Variants in ALPL observed in about 807,000 individuals in gnomAD.
ALPL encodes the protein alkaline phosphatase, biomineralization associated, also known as alkaline phosphatase, tissue-nonspecific isozyme.
In ALPL, 42 loss-of-function variants were observed where a neutral mutation model predicts 51.3. The observed-to-expected ratio is 0.82, with a 90% CI of 0.64 to 1.06. The LOEUF (loss-of-function observed/expected upper bound fraction) is 1.06. ALPL is among the 50% of genes least tolerant of loss of function. ALPL has a pLI of 0.00. For missense variants in ALPL, 589 were observed against 709.4 expected, an observed-to-expected ratio of 0.83 and a Z score of 1.93; for synonymous variants, 279 against 296.4, an observed-to-expected ratio of 0.94 and a Z score of 0.60.
intron 2 of ALPL, among the ~76,000 whole-genome samples, chr1:21,556,813 C>T (rs1259388050): frequency 6.6e-6 from 1 of 152,154 alleles, no homozygotes; most frequent in East Asian, 1.9e-4. Flanking sequence ...GTGGCGCACT[C>T]CTGTAATGCC....
In ALPL at chr1:21,568,138, C is replaced by G; in HGVS notation, c.683C>G (p.Pro228Arg). ...IMGGGRKYMY[P>R]KNKTDVEYES... ...GGGGGTGGCCGGAAATACATGTACC[C>G]CAAGAATAAAACTGATGTGGAGTAT... The change falls in exon 7 of 12, where the codon CCC (proline) becomes CGC (arginine). Residue 228 changes from proline to arginine, a missense_variant. Coordinates refer to ENST00000374840, the MANE Select transcript of ALPL (RefSeq NM_000478.6). 1 of 1,614,040 alleles carries G rather than the reference C, an allele frequency of 6.2e-7. No homozygotes were observed. Among genetic ancestry groups the G allele is most frequent in the Non-Finnish European group, 8.5e-7 (1 of 1,180,018 alleles).
intron 1 of ALPL, among the ~76,000 whole-genome samples, chr1:21,531,222 G>C (rs1191972198): frequency 6.6e-6 from 1 of 152,124 alleles, no homozygotes; most frequent in Admixed American, 6.6e-5. Flanking sequence ...GCCTCCCAAA[G>C]TGCGGGATTA....
chr1:21,522,032 C>T (rs184397677), intron 1 of ALPL, among the ~76,000 whole-genome samples: 1 of 151,970 alleles, frequency 6.6e-6, no homozygotes, highest in African/African-American at 2.4e-5. Flanking sequence ...TGTGTCGACT[C>T]CGTGAGAGGT....
intron 1 of ALPL, among the ~76,000 whole-genome samples, chr1:21,519,504 T>A (rs569230759): frequency 2.2e-4 from 34 of 152,320 alleles, no homozygotes; most frequent in African/African-American, 7.9e-4. Flanking sequence ...GGGAGAAAAC[T>A]GAAGCTCAGA....
At chr1:21,530,590 G>C (rs1644014446) in intron 1 of ALPL, among the ~76,000 whole-genome samples, 1 of 152,016 alleles carries the variant, frequency 6.6e-6, no homozygotes. Context: ...CACTCCACAG[G>C]ATTGGGCCTC....
At chr1:21,535,150 G>A (rs1446841980) in intron 1 of ALPL, among the ~76,000 whole-genome samples, 2 of 152,226 alleles carry the variant, frequency 1.3e-5, no homozygotes, top group Non-Finnish European at 2.9e-5. Context: ...AGGCATAGAA[G>A]GTGTTTAGTC....
At position 21,546,191 on chromosome 1, in the gene ALPL, C is replaced by T. The variant is rs554791006; in HGVS notation, c.-104-7787C>T. ...TCACTAGGATGTTGTGAGGATCTGA[C>T]GCAATTTGAGTTACGGGAATGTTGA... On this transcript the variant is annotated intron_variant, in intron 1 of 11. Coordinates refer to ENST00000374840, the MANE Select transcript of ALPL (RefSeq NM_000478.6). 3.3e-5 allele frequency among the ~76,000 whole-genome samples: 5 copies of T among 152,192 alleles called. No homozygotes were observed. The South Asian group carries it at 6.2e-4, about 19-fold the overall frequency.
chr1:21,510,662 G>T (rs773592149), intron 1 of ALPL, among the ~76,000 whole-genome samples: 1 of 152,226 alleles, frequency 6.6e-6, no homozygotes, highest in African/African-American at 2.4e-5. Context: ...CAGCCCTAGC[G>T]TCCTGCTCCC....
At chr1:21,535,031 G>C (rs150656441) in intron 1 of ALPL, among the ~76,000 whole-genome samples, 64 of 152,282 alleles carry the variant, frequency 4.2e-4, no homozygotes, top group African/African-American at 1.4e-3. Context: ...ACACTGACAG[G>C]GATTTGGGCT....
chr1:21,555,197 A>C (rs1047078437), intron 2 of ALPL, among the ~76,000 whole-genome samples: 2 of 152,114 alleles, frequency 1.3e-5, no homozygotes, highest in Non-Finnish European at 2.9e-5. Context: ...TTTTTGAGCC[A>C]GGATGAGCCA....
intron 1 of ALPL, among the ~76,000 whole-genome samples, chr1:21,552,105 T>A (rs1167049541): frequency 4.4e-5 from 1 of 22,844 alleles, no homozygotes; most frequent in African/African-American, 2.9e-4. Flanking sequence ...TCCCTTCCCT[T>A]TCCTCCCCTT....
chr1:21,544,661 G>T (rs1461690034), intron 1 of ALPL, among the ~76,000 whole-genome samples: 1 of 152,170 alleles, frequency 6.6e-6, no homozygotes, highest in Admixed American at 6.5e-5. Context: ...CACGAGAATT[G>T]CTTGAACCTG....
At chr1:21,524,676 T>A (rs1643918613) in intron 1 of ALPL, among the ~76,000 whole-genome samples, 1 of 152,074 alleles carries the variant, frequency 6.6e-6, no homozygotes, top group Non-Finnish European at 1.5e-5. Flanking sequence ...ATGGGTACAC[T>A]CTTCTTGAAC....
intron 1 of ALPL, among the ~76,000 whole-genome samples, chr1:21,550,750 A>C (rs1351020400): frequency 1.3e-5 from 2 of 152,018 alleles, no homozygotes; most frequent in Admixed American, 1.3e-4. Flanking sequence ...GCCCTGGGTT[A>C]GTTTTTATAC....
chr1:21,573,436 CAAAAAA>C (rs35155164), intron 8 of ALPL, among the ~76,000 whole-genome samples: 1 of 114,052 alleles, frequency 8.8e-6, no homozygotes, highest in African/African-American at 3.4e-5. Flanking sequence ...GACTCTGTCT[CAAAAAA>C]AAAAAAGAAA....
At position 21,577,402 on chromosome 1, in the gene ALPL, G is replaced by A. The variant is rs756394364; in HGVS notation, c.1329G>A (p.Ala443=). ...CCACAGCTCACAACAACTACCAGGC[G>A]CAGTCTGCTGTGCCCCTGCGCCACG... ...MVDYAHNNYQ[A]QSAVPLRHET... The change falls in exon 12 of 12, where the codon GCG becomes GCA. Residue 443 remains alanine (A), a synonymous_variant. Transcript: ENST00000374840. The A allele has an allele frequency of 1.1e-5, 17 of 1,613,144 alleles. No individual in the cohort carries two copies. The highest frequency in any genetic ancestry group is 2.2e-5 in the South Asian group (2 of 91,094).
intron 1 of ALPL, among the ~76,000 whole-genome samples, chr1:21,552,591 T>C (rs1644346911): frequency 6.6e-6 from 1 of 152,152 alleles, no homozygotes; most frequent in African/African-American, 2.4e-5. Flanking sequence ...CAAAAATTTT[T>C]CTTAGAGACA....
intron 1 of ALPL, among the ~76,000 whole-genome samples, chr1:21,527,186 C>T (rs947686019): frequency 6.6e-6 from 1 of 151,970 alleles, no homozygotes; most frequent in Non-Finnish European, 1.5e-5. Context: ...GCATGCACCA[C>T]CACACCCAGC....
intron 8 of ALPL, among the ~76,000 whole-genome samples, chr1:21,572,459 C>T (rs1460905902): frequency 6.6e-6 from 1 of 152,082 alleles, no homozygotes; most frequent in African/African-American, 2.4e-5. Context: ...ACATTTTATG[C>T]CCCAGCCTTC....
Sources: allele counts gnomAD v4.1 joint callset (sites outside exome capture counted in the v4.1 genomes callset), GRCh38; gene constraint gnomAD v4.1.1; transcripts MANE v1.5; gene names NCBI Gene and HGNC (gene_info 2026-07-23, HGNC 2026-07-21).